FSTL5: variants seen among roughly 807,000 people sequenced by gnomAD.
The protein encoded by FSTL5 is follistatin-related protein 5.
FSTL5 carries 62 observed loss-of-function variants against 89.1 expected under a neutral mutation model. The ratio of observed to expected loss-of-function variants is 0.70; its 90% CI spans 0.57 to 0.86. The LOEUF is 0.86. FSTL5 is among the 40% of genes least tolerant of loss of function. The pLI is 0.00. For synonymous variants in FSTL5, 383 were observed against 346.2 expected (o/e 1.11, Z -1.18); for missense variants, 1,057 against 1,001.6 (o/e 1.06, Z -0.75).
At chr4:161,406,480 A>T (rs1453972252) in intron 15 of FSTL5, among the ~76,000 whole-genome samples, 1 of 152,100 alleles carries the variant, frequency 6.6e-6, no homozygotes, top group African/African-American at 2.4e-5. Context: ...AGAAAAATTT[A>T]TATTCTGCTG....
intron 13 of FSTL5, 49 bp from the exon 14 acceptor site, chr4:161,459,368 T>G: frequency 8.4e-7 from 1 of 1,187,708 alleles, no homozygotes; most frequent in East Asian, 2.4e-5. Flanking sequence ...AACTATTAGT[T>G]TAAAGCTAGG....
At chr4:162,047,496 T>C (rs557118626) in intron 2 of FSTL5, 1 of 152,110 alleles carries the variant, frequency 6.6e-6, no homozygotes, top group South Asian at 2.1e-4. Context: ...TGTGAGTTCA[T>C]GTGAGTAGAG....
At chr4:161,589,213 G>A (rs528441373) in intron 7 of FSTL5, among the ~76,000 whole-genome samples, 67 of 151,776 alleles carry the variant, frequency 4.4e-4, no homozygotes, top group African/African-American at 1.6e-3. Flanking sequence ...CACTCTTGTT[G>A]TCCAAGCTGA....
At chr4:161,476,944 C>T (rs1180686853) in intron 13 of FSTL5, among the ~76,000 whole-genome samples, 2 of 152,106 alleles carry the variant, frequency 1.3e-5, no homozygotes, top group Non-Finnish European at 2.9e-5. Flanking sequence ...GCAAGCTTCT[C>T]CTGTTTTTGA....
intron 12 of FSTL5, among the ~76,000 whole-genome samples, chr4:161,499,200 T>A (rs1560924874): frequency 6.6e-6 from 1 of 152,104 alleles, no homozygotes; most frequent in Admixed American, 6.6e-5. Context: ...AGATTCTGTC[T>A]TAAAATAAAA....
At chr4:161,697,526 A>G (rs536532856) in intron 6 of FSTL5, among the ~76,000 whole-genome samples, 3 of 152,366 alleles carry the variant, frequency 2.0e-5, no homozygotes, top group Admixed American at 2.0e-4. Flanking sequence ...ATTATGGAAT[A>G]ACATATCAAA....
intron 15 of FSTL5, among the ~76,000 whole-genome samples, chr4:161,422,650 A>C (rs1271114248): frequency 7.9e-5 from 12 of 152,178 alleles, no homozygotes; most frequent in Admixed American, 7.9e-4. Flanking sequence ...TTCTTCTAGC[A>C]GACTGTGTGC....
At chr4:161,959,043 T>C (rs359514) in intron 3 of FSTL5, among the ~76,000 whole-genome samples, 91,486 of 151,900 alleles carry the variant, frequency 0.6, 27,855 homozygotes, top group Non-Finnish European at 0.61. Context: ...AGCATAGGTC[T>C]CATATTGATG....
At chr4:161,717,445 A>G (rs780502530) in intron 6 of FSTL5, among the ~76,000 whole-genome samples, 65 of 152,284 alleles carry the variant, frequency 4.3e-4, no homozygotes, top group African/African-American at 1.4e-3. Context: ...GCCAAAGTAG[A>G]TAGGGCCTGG....
intron 6 of FSTL5, among the ~76,000 whole-genome samples, chr4:161,758,636 G>C (rs1740666171): frequency 1.3e-5 from 2 of 152,230 alleles, no homozygotes; most frequent in African/African-American, 2.4e-5. Flanking sequence ...TCCGGCCTCA[G>C]CCTCCTGAGT....
At chr4:161,586,365 C>A (rs187157692) in intron 8 of FSTL5, among the ~76,000 whole-genome samples, 123 of 152,220 alleles carry the variant, frequency 8.1e-4, no homozygotes, top group African/African-American at 2.7e-3. Flanking sequence ...AATTTAATCT[C>A]ATCCAATCTC....
intron 6 of FSTL5, among the ~76,000 whole-genome samples, chr4:161,675,148 T>TA (rs1737258840): frequency 6.6e-6 from 1 of 152,100 alleles, no homozygotes; most frequent in South Asian, 2.1e-4. Context: ...CAATAAAAAC[T>TA]AAAAAACGTA....
intron 6 of FSTL5, among the ~76,000 whole-genome samples, chr4:161,667,912 A>G (rs1460240368): frequency 6.6e-6 from 1 of 152,102 alleles, no homozygotes; most frequent in African/African-American, 2.4e-5. Flanking sequence ...CATTGAATAC[A>G]TATATTAACA....
At chr4:161,781,238 G>A (rs963091323) in intron 4 of FSTL5, among the ~76,000 whole-genome samples, 3 of 151,760 alleles carry the variant, frequency 2.0e-5, no homozygotes, top group Non-Finnish European at 2.9e-5. Context: ...ATTCAATGTG[G>A]AAAGCTATCA....
intron 4 of FSTL5, among the ~76,000 whole-genome samples, chr4:161,901,091 C>T (rs753944135): frequency 3.3e-5 from 5 of 151,776 alleles, no homozygotes; most frequent in African/African-American, 4.8e-5. Flanking sequence ...TCATACATCA[C>T]ATATTTACTG....
At chr4:161,757,454 T>C (rs918232012) in intron 6 of FSTL5, among the ~76,000 whole-genome samples, 1 of 151,854 alleles carries the variant, frequency 6.6e-6, no homozygotes, top group Non-Finnish European at 1.5e-5. Flanking sequence ...CTTGCCACCA[T>C]GAGTACACAA....
At chr4:161,703,462 T>A (rs1292708761) in intron 6 of FSTL5, among the ~76,000 whole-genome samples, 1 of 152,178 alleles carries the variant, frequency 6.6e-6, no homozygotes, top group African/African-American at 2.4e-5. Flanking sequence ...CTCATCCAAT[T>A]CCTGAGATTC....
intron 5 of FSTL5, among the ~76,000 whole-genome samples, chr4:161,774,858 A>G (rs1297074240): frequency 1.3e-5 from 2 of 152,100 alleles, no homozygotes; most frequent in Non-Finnish European, 2.9e-5. Flanking sequence ...TAATTAAAAT[A>G]TCTTCCAATT....
chr4:161,387,946 TAAAC>T (rs2110866599), intron 15 of FSTL5: 1 of 152,166 alleles, frequency 6.6e-6, no homozygotes, highest in South Asian at 2.1e-4. Flanking sequence ...AAATATTTGT[TAAAC>T]AACTACTAAA....
Sources: gnomAD v4.1 joint callset for allele counts (sites outside exome capture counted in the v4.1 genomes callset) on GRCh38, gnomAD v4.1.1 for gene constraint, MANE v1.5 for transcripts, NCBI Gene and HGNC (gene_info 2026-07-23, HGNC 2026-07-21) for gene names.